Variants in GIMD1 observed in about 807,000 individuals in gnomAD.
GIMD1 encodes the protein GIMAP family P-loop NTPase domain containing 1.
A neutral mutation model predicts 14.9 loss-of-function variants in GIMD1; 14 were observed. That is an observed-to-expected ratio of 0.94 (90% CI 0.62 to 1.47). The LOEUF is 1.47. Ranked by LOEUF, GIMD1 falls within the 40% of genes most tolerant of loss-of-function variation. The probability of loss-of-function intolerance (pLI) is 0.00; values close to 1 mark genes in which losing one functional copy is unlikely to be tolerated. For missense variants in GIMD1, 272 were observed against 255.3 expected, an observed-to-expected ratio of 1.07 and a Z score of -0.44; for synonymous variants, 91 against 90.5, an observed-to-expected ratio of 1.01 and a Z score of -0.03.
intron 2 of GIMD1, among the ~76,000 whole-genome samples, chr4:106,365,158 C>A (rs534611536): frequency 6.6e-6 from 1 of 152,122 alleles, no homozygotes; most frequent in Non-Finnish European, 1.5e-5. Flanking sequence ...TGCAGGCTTC[C>A]CACCACTTGA....
intron 2 of GIMD1, among the ~76,000 whole-genome samples, chr4:106,364,481 G>T (rs1340111707): frequency 6.6e-6 from 1 of 152,176 alleles, no homozygotes; most frequent in East Asian, 1.9e-4. Context: ...CAGACACTCT[G>T]CAACAGCTTC....
chr4:106,366,439 G>T (rs1394409190), intron 2 of GIMD1, among the ~76,000 whole-genome samples: 1 of 152,124 alleles, frequency 6.6e-6, no homozygotes, highest in African/African-American at 2.4e-5. Flanking sequence ...CTGTTTAGAT[G>T]CTCAATAGAG....
chr4:106,367,850 T>G (rs370542090), intron 1 of GIMD1, among the ~76,000 whole-genome samples: 15 of 152,190 alleles, frequency 9.9e-5, no homozygotes, highest in African/African-American at 3.6e-4. Context: ...TTATTCACTA[T>G]TGGAGAAGTA....
chr4:106,366,963 T>TTA, intron 2 of GIMD1, 80 bp downstream of exon 2: 2 of 323,868 alleles, frequency 6.2e-6, no homozygotes, highest in Non-Finnish European at 1.0e-5. Flanking sequence ...AATAATATTA[T>TTA]TATTATTATT....
chr4:106,361,929 A>C (rs1347637319), intron 2 of GIMD1, among the ~76,000 whole-genome samples: 1 of 152,112 alleles, frequency 6.6e-6, no homozygotes, highest in Non-Finnish European at 1.5e-5. Flanking sequence ...GTTAGTACTT[A>C]ATGAAGTAAA....
At chr4:106,364,588 A>T (rs1012908562) in intron 2 of GIMD1, among the ~76,000 whole-genome samples, 13 of 152,154 alleles carry the variant, frequency 8.5e-5, no homozygotes, top group African/African-American at 3.1e-4. Flanking sequence ...CCATCAACCA[A>T]AGACCGTAGC....
In GIMD1 at chr4:106,367,255, G is replaced by A. The variant is rs113023082; in HGVS notation, c.181C>T (p.Arg61Ter). The A allele has an allele frequency of 6.4e-5, 98 of 1,535,700 alleles. 2 individuals are homozygous for A. The highest frequency in any genetic ancestry group is 4.0e-4 in the African/African-American group (29 of 73,110). ...TGCAGGGCTACCTCTAGCCCACCTC[G>A]ACGCATGAAGCTGTGGAGGTGACAA... ...RSCHLHSFMR[R>*]GGLEVALQVQ... is the part of the protein sequence containing the mutation. The change falls in exon 2 of 3, where the codon CGA becomes TGA. Residue 61 changes from arginine to a stop codon, truncating the protein, a stop_gained. Transcript: ENST00000638719. LOFTEE classifies it high-confidence loss of function.
chr4:106,363,751 G>C (rs1770649418), intron 2 of GIMD1, among the ~76,000 whole-genome samples: 1 of 151,532 alleles, frequency 6.6e-6, no homozygotes, highest in South Asian at 2.1e-4. Flanking sequence ...GTATTTTCAG[G>C]CTCTGAATTA....
Position 106,367,284 on chromosome 4 carries a change from C to A in GIMD1, c.152G>T (p.Arg51Leu), listed in dbSNP as rs778559616. The change falls in exon 2 of 3, where the codon CGC becomes CTC. Residue 51 changes from arginine to leucine, a missense_variant. Physicochemically the swap from Arg to Leu is moderately radical, Grantham distance 102. Transcript: ENST00000638719. ...CSVTTCCSLGRSCHLHSFMRR... is the reference protein window; with the variant it reads ...CSVTTCCSLGLSCHLHSFMRR... ...CATGAAGCTGTGGAGGTGACAACTG[C>A]GGCCCAGGCTACAACATGTGGTCAC... 8 of 1,535,918 alleles carry A rather than the reference C, an allele frequency of 5.2e-6. No individual in the cohort carries two copies. Among genetic ancestry groups the A allele is most frequent in the South Asian group, 1.2e-5 (1 of 84,050 alleles).
chr4:106,358,080 G>T lies in GIMD1; in HGVS notation c.*103C>A, dbSNP rs1404314087. 4.0e-6 allele frequency: 3 copies of T among 743,384 alleles called. No individual in the cohort carries two copies. Among genetic ancestry groups the T allele is most frequent in the Admixed American group, 3.2e-5 (1 of 30,996 alleles). 46.0% of individuals were successfully genotyped at this position (743,384 alleles called of 1,614,324 possible). A position where few individuals can be genotyped will look rare whatever the true frequency, so the allele number is the denominator to read the frequency against. ...ATACCAATGTACACTCTCACCAGCA[G>T]CATATCAGAATACTTATGGTCCACA... On this transcript the variant is annotated 3_prime_UTR_variant, in exon 3 of 3. Transcript: ENST00000638719.
At chr4:106,361,517 T>G (rs963291869) in intron 2 of GIMD1, among the ~76,000 whole-genome samples, 3 of 152,056 alleles carry the variant, frequency 2.0e-5, no homozygotes, top group Admixed American at 6.6e-5. Flanking sequence ...CATTGAGATT[T>G]TATTTCTAAA....
At chr4:106,358,485 T>C in intron 2 of GIMD1, 42 bp from the exon 3 acceptor site, 1 of 1,433,212 alleles carries the variant, frequency 7.0e-7, no homozygotes, top group Non-Finnish European at 9.2e-7. Context: ...TTGAACTATA[T>C]TCCTCAAAAA....
At chr4:106,368,165 TAAAG>T (rs775791191) in intron 1 of GIMD1, among the ~76,000 whole-genome samples, 8 of 152,124 alleles carry the variant, frequency 5.3e-5, no homozygotes, top group Non-Finnish European at 7.4e-5. Context: ...GGCTCTTTAA[TAAAG>T]AAAGTAAAGC....
At chr4:106,368,514 C>A (rs570579610) in intron 1 of GIMD1, among the ~76,000 whole-genome samples, 196 bp downstream of exon 1, 1 of 152,280 alleles carries the variant, frequency 6.6e-6, no homozygotes, top group South Asian at 2.1e-4. Flanking sequence ...AACGTGAACA[C>A]CTTGAAGGAG....
In GIMD1 at chr4:106,366,957, ATAT is replaced by A. The variant is rs1157215301; in HGVS notation, c.393+83_393+85del. 2,840 of 299,328 alleles carry A rather than the reference ATAT, an allele frequency of 9.5e-3. 3 individuals carry two copies. The highest frequency in any genetic ancestry group is 0.015 in the East Asian group (212 of 14,104). 18.5% of individuals were successfully genotyped at this position (299,328 alleles called of 1,614,324 possible). On this transcript the variant is annotated intron_variant, in intron 2 of 2. Transcript: ENST00000638719. ...ATATACTAATAGTATAATAATAATAATATTATTATTATTATTATTATACTATTA... is the reference window on the plus strand; with the variant it reads ...ATATACTAATAGTATAATAATAATAATATTATTATTATTATTATACTATTA...
At chr4:106,362,398 G>A (rs779042391) in intron 2 of GIMD1, among the ~76,000 whole-genome samples, 1 of 151,990 alleles carries the variant, frequency 6.6e-6, no homozygotes, top group Non-Finnish European at 1.5e-5. Context: ...AAATCCAAAA[G>A]CAAGATAAGT....
At position 106,358,197 on chromosome 4, in the gene GIMD1, GA is replaced by G. The variant is rs1291393462; in HGVS notation, c.639del (p.Thr215HisfsTer6). On this transcript the variant is annotated frameshift_variant, in exon 3 of 3. Coordinates refer to ENST00000638719, the MANE Select transcript of GIMD1 (RefSeq NM_001195138.2). LOFTEE classifies it high-confidence loss of function. ...TCACCTAAATTTTATTTAAATGTAA[GA>G]ACTTGGTAACAGTTCTCTTTTATAA... ...MEFIKENCYQ[V>X]LTFK is the part of the protein sequence containing the mutation. 25 of 1,489,072 alleles carry G rather than the reference GA, an allele frequency of 1.7e-5. No homozygotes were observed. Among genetic ancestry groups the G allele is most frequent in the Non-Finnish European group, 2.2e-5 (25 of 1,125,730 alleles). 92.2% of individuals were successfully genotyped at this position (1,489,072 alleles called of 1,614,324 possible). A position where few individuals can be genotyped will look rare whatever the true frequency, so the allele number is the denominator to read the frequency against.
At chr4:106,361,024 C>A (rs888002907) in intron 2 of GIMD1, among the ~76,000 whole-genome samples, 1 of 152,034 alleles carries the variant, frequency 6.6e-6, no homozygotes, top group African/African-American at 2.4e-5. Flanking sequence ...ATACAGCAAT[C>A]CCTGGATCAT....
Position 106,367,076 on chromosome 4 carries a change from C to T in GIMD1, c.360G>A (p.Gly120=), listed in dbSNP as rs765551324. 17 of 1,532,426 alleles carry T rather than the reference C, an allele frequency of 1.1e-5. No homozygotes were observed. Among genetic ancestry groups the T allele is most frequent in the South Asian group, 4.8e-5 (4 of 83,532 alleles). The allele number at this position is 1,532,426 out of a possible 1,614,324, so 94.9% of individuals were successfully genotyped here. ...TCTGGACTGGGTCAGTTACTTCCTG[C>T]CCACAGAAAGGCACATCTGCTCTCT... ...LVQRADVPFC[G]QEVTDPVQMI... is the part of the protein sequence containing the mutation. The change falls in exon 2 of 3, where the codon GGG becomes GGA. Residue 120 remains glycine (G), a synonymous_variant. Transcript: ENST00000638719.
Sources: gnomAD v4.1 joint callset for allele counts (sites outside exome capture counted in the v4.1 genomes callset) on GRCh38, gnomAD v4.1.1 for gene constraint, MANE v1.5 for transcripts, NCBI Gene and HGNC (gene_info 2026-07-23, HGNC 2026-07-21) for gene names.